SORCS1: variants seen among roughly 807,000 people sequenced by gnomAD.
The protein encoded by SORCS1 is VPS10 domain-containing receptor SorCS1.
A neutral mutation model predicts 146.1 loss-of-function variants in SORCS1; 60 were observed. That is an observed-to-expected ratio of 0.41 (90% confidence interval 0.33 to 0.51). SORCS1 has a LOEUF of 0.51. SORCS1 is among the 20% of genes least tolerant of loss of function. The probability of loss-of-function intolerance (pLI) is 0.21; values close to 1 mark genes in which losing one functional copy is unlikely to be tolerated. For synonymous variants in SORCS1, 637 were observed against 584.0 expected (o/e 1.09, Z -1.31); for missense variants, 1,352 against 1,487.6 (o/e 0.91, Z 1.50).
Position 106,889,888 on chromosome 10 carries a change from T to TTA in SORCS1, c.627-60216_627-60215insTA, listed in dbSNP as rs1554875507. Among the ~76,000 whole-genome samples the TTA allele has an allele frequency of 1.3e-4, 9 of 71,670 alleles. No individual in the cohort carries two copies. In the East Asian group the frequency reaches 1.3e-3, roughly 10 times the overall value. The allele number at this position is 71,670 out of a possible 152,430, so 47.0% of individuals were successfully genotyped here. A position where few individuals can be genotyped will look rare whatever the true frequency, so the allele number is the denominator to read the frequency against. ...TGACAGAGTGAGACTACGTCTCAAA[T>TTA]AAAAAAAAAAAAAAAAAAAAAAAGC... On this transcript the variant is annotated intron_variant, in intron 2 of 25. Coordinates refer to ENST00000263054, the MANE Select transcript of SORCS1 (RefSeq NM_052918.5).
chr10:106,986,511 C>CGTGTGTGTGTGTGTGTGTGT (rs58888609), intron 1 of SORCS1, among the ~76,000 whole-genome samples: 1 of 148,312 alleles, frequency 6.7e-6, no homozygotes, highest in Non-Finnish European at 1.5e-5. Context: ...TATATACAAC[C>CGTGTGTGTGTGTGTGTGTGT]GTGTGTGTGT....
chr10:106,649,736 A>G (rs878901897), intron 18 of SORCS1, among the ~76,000 whole-genome samples: 3 of 152,060 alleles, frequency 2.0e-5, no homozygotes, highest in East Asian at 1.9e-4. Context: ...TGAGGCTACA[A>G]TTGCATCTGT....
At chr10:106,774,020 T>C (rs1239783456) in intron 4 of SORCS1, among the ~76,000 whole-genome samples, 3 of 152,142 alleles carry the variant, frequency 2.0e-5, no homozygotes, top group Admixed American at 1.3e-4. Context: ...TATCCACATG[T>C]GATACCAATT....
At chr10:107,152,502 C>A (rs1264707234) in intron 1 of SORCS1, among the ~76,000 whole-genome samples, 1 of 152,120 alleles carries the variant, frequency 6.6e-6, no homozygotes, top group Non-Finnish European at 1.5e-5. Context: ...TGGATGGGGA[C>A]CCCACACATG....
At chr10:106,750,239 C>G (rs182396097) in intron 5 of SORCS1, among the ~76,000 whole-genome samples, 81 of 152,046 alleles carry the variant, frequency 5.3e-4, no homozygotes, top group African/African-American at 1.9e-3. Context: ...AGTGAAGTCT[C>G]GAGAAGTGAC....
At chr10:106,595,014 G>C (rs980885797) in intron 24 of SORCS1, among the ~76,000 whole-genome samples, 10 of 152,144 alleles carry the variant, frequency 6.6e-5, no homozygotes, top group African/African-American at 2.4e-4. Flanking sequence ...TACAACTCTT[G>C]TTTCTGGAAT....
At chr10:106,806,554 G>C (rs1378217438) in intron 3 of SORCS1, among the ~76,000 whole-genome samples, 1 of 106,854 alleles carries the variant, frequency 9.4e-6, no homozygotes, top group African/African-American at 3.8e-5. Context: ...CTTGCACTGT[G>C]GCCCAGGCTG....
chr10:106,921,744 C>T (rs1305948003), intron 2 of SORCS1, among the ~76,000 whole-genome samples: 2 of 152,116 alleles, frequency 1.3e-5, no homozygotes, highest in Non-Finnish European at 2.9e-5. Context: ...TAAACTCTGT[C>T]GGTATTAATG....
At chr10:106,678,415 T>C (rs1037013429) in intron 12 of SORCS1, among the ~76,000 whole-genome samples, 6 of 152,206 alleles carry the variant, frequency 3.9e-5, no homozygotes, top group Admixed American at 3.3e-4. Flanking sequence ...ATAGAGGGTC[T>C]GAAGCTAAGA....
intron 1 of SORCS1, among the ~76,000 whole-genome samples, chr10:107,117,630 T>C (rs1229055077): frequency 6.6e-6 from 1 of 152,202 alleles, no homozygotes; most frequent in Non-Finnish European, 1.5e-5. Flanking sequence ...CAGAGGATTA[T>C]TCTTGACCCT....
chr10:106,595,336 T>C (rs541941181), intron 24 of SORCS1, among the ~76,000 whole-genome samples: 13 of 152,318 alleles, frequency 8.5e-5, no homozygotes, highest in South Asian at 6.2e-4. Flanking sequence ...GGTGAAAAGA[T>C]GCAGAATAGG....
chr10:106,925,081 T>A (rs1952948184), intron 2 of SORCS1, among the ~76,000 whole-genome samples: 1 of 152,236 alleles, frequency 6.6e-6, no homozygotes, highest in African/African-American at 2.4e-5. Context: ...TTAAAAATCA[T>A]TTTGTAATGA....
At chr10:106,760,818 G>T (rs1039089089) in intron 5 of SORCS1, among the ~76,000 whole-genome samples, 7 of 151,972 alleles carry the variant, frequency 4.6e-5, no homozygotes, top group African/African-American at 1.7e-4. Flanking sequence ...ATGACAAGGG[G>T]AAGGCCGGCC....
intron 2 of SORCS1, among the ~76,000 whole-genome samples, chr10:106,834,995 T>C (rs1261587009): frequency 6.6e-6 from 1 of 152,244 alleles, no homozygotes; most frequent in Non-Finnish European, 1.5e-5. Context: ...ACACTACGTT[T>C]TTACAAATAT....
chr10:106,823,777 T>G (rs1948166442), intron 3 of SORCS1, among the ~76,000 whole-genome samples: 1 of 152,124 alleles, frequency 6.6e-6, no homozygotes, highest in African/African-American at 2.4e-5. Flanking sequence ...ATGGAAGAGG[T>G]GGCATTTAAG....
chr10:107,085,470 T>A (rs889196935), intron 1 of SORCS1, among the ~76,000 whole-genome samples: 1 of 152,236 alleles, frequency 6.6e-6, no homozygotes, highest in Non-Finnish European at 1.5e-5. Flanking sequence ...TTTTGCAGCT[T>A]GCCTTTTATG....
intron 1 of SORCS1, among the ~76,000 whole-genome samples, chr10:107,101,749 A>ATGTGTG (rs34645920): frequency 3.2e-3 from 472 of 147,344 alleles, no homozygotes; most frequent in African/African-American, 7.1e-3. Flanking sequence ...TGGGCTAATT[A>ATGTGTG]TGTGTGTGTG....
At chr10:106,783,215 G>A (rs1861029959) in intron 3 of SORCS1, among the ~76,000 whole-genome samples, 1 of 152,174 alleles carries the variant, frequency 6.6e-6, no homozygotes, top group Non-Finnish European at 1.5e-5. Context: ...CCCTGCTAAA[G>A]CTTTAAACTA....
intron 2 of SORCS1, among the ~76,000 whole-genome samples, chr10:106,922,663 T>C (rs1952768828): frequency 6.6e-6 from 1 of 152,166 alleles, no homozygotes; most frequent in South Asian, 2.1e-4. Flanking sequence ...AGTGGTACAC[T>C]TGTTGCAACT....
Sources: gnomAD v4.1 joint callset for allele counts (sites outside exome capture counted in the v4.1 genomes callset) on GRCh38, gnomAD v4.1.1 for gene constraint, MANE v1.5 for transcripts, NCBI Gene and HGNC (gene_info 2026-07-23, HGNC 2026-07-21) for gene names.